Variants in SRPK1 observed in about 807,000 individuals in gnomAD.
The protein encoded by SRPK1 is SFRS protein kinase 1.
SRPK1 carries 52 observed loss-of-function variants against 89.5 expected under a neutral mutation model. That is an observed-to-expected ratio of 0.58 (90% CI 0.46 to 0.73). The LOEUF (loss-of-function observed/expected upper bound fraction) is 0.73. Ranked by LOEUF, SRPK1 falls within the 30% of genes least tolerant of loss-of-function variation. SRPK1 has a pLI of 0.00. For synonymous variants in SRPK1, 255 were observed against 270.2 expected (o/e 0.94, Z 0.55); for missense variants, 603 against 780.6 (o/e 0.77, Z 2.71).
intron 2 of SRPK1, among the ~76,000 whole-genome samples, chr6:35,899,777 G>T (rs1341587646): frequency 6.6e-6 from 1 of 152,060 alleles, no homozygotes; most frequent in Admixed American, 6.5e-5. Flanking sequence ...CGAGGCGGGT[G>T]TATCACTTGA....
intron 13 of SRPK1, chr6:35,856,979 A>G (rs1769678908): frequency 3.1e-6 from 1 of 321,208 alleles, no homozygotes; most frequent in Non-Finnish European, 5.7e-6. Flanking sequence ...AATCAAAACC[A>G]ACAACACCTC....
At chr6:35,839,963 C>G (rs1769270507) in intron 14 of SRPK1, among the ~76,000 whole-genome samples, 2 of 151,922 alleles carry the variant, frequency 1.3e-5, no homozygotes, top group Non-Finnish European at 1.5e-5. Context: ...CAGGTGTGAG[C>G]CACTGTGCCT....
chr6:35,908,284 A>C (rs1344891217), intron 2 of SRPK1, among the ~76,000 whole-genome samples: 3 of 152,212 alleles, frequency 2.0e-5, no homozygotes, highest in Non-Finnish European at 4.4e-5. Flanking sequence ...AAGATGTAGC[A>C]AAGTTTGGAG....
chr6:35,879,063 C>A (rs867314658), intron 6 of SRPK1, among the ~76,000 whole-genome samples: 7 of 151,964 alleles, frequency 4.6e-5, no homozygotes, highest in Middle Eastern at 3.4e-3. Context: ...TGCACTCTAG[C>A]CTGTGTGACA....
In SRPK1 at chr6:35,835,198, A is replaced by G; in HGVS notation, c.*106T>C. 1.9e-6 allele frequency: 2 copies of G among 1,039,050 alleles called. No homozygotes were observed. Among genetic ancestry groups the G allele is most frequent in the Non-Finnish European group, 2.7e-6 (2 of 740,190 alleles). The allele number at this position is 1,039,050 out of a possible 1,614,324, so 64.4% of individuals were successfully genotyped here. A position where few individuals can be genotyped will look rare whatever the true frequency, so the allele number is the denominator to read the frequency against. On this transcript the variant is annotated 3_prime_UTR_variant, in exon 16 of 16. Transcript: ENST00000373825. Reference sequence around the variant, plus strand: ...GGATTAAAAAAAAAACAAGATCTAGAAACTCTTGAAGGAAGAGCTTCACCC... The same window carrying G: ...GGATTAAAAAAAAAACAAGATCTAGGAACTCTTGAAGGAAGAGCTTCACCC...
chr6:35,908,668 G>C (rs1030915401), intron 2 of SRPK1, among the ~76,000 whole-genome samples: 1 of 152,178 alleles, frequency 6.6e-6, no homozygotes, highest in African/African-American at 2.4e-5. Flanking sequence ...CCTGACAATG[G>C]GATAGAAAAG....
At chr6:35,875,056 T>C (rs925773329) in intron 6 of SRPK1, among the ~76,000 whole-genome samples, 1 of 152,124 alleles carries the variant, frequency 6.6e-6, no homozygotes, top group African/African-American at 2.4e-5. Context: ...CATACATATA[T>C]AGTAATGGTC....
chr6:35,881,460 T>C (rs964611896), intron 6 of SRPK1, among the ~76,000 whole-genome samples: 1 of 110,088 alleles, frequency 9.1e-6, no homozygotes, highest in Non-Finnish European at 2.2e-5. Flanking sequence ...GATATAGATA[T>C]AGATATAGAT....
chr6:35,851,314 T>G (rs907599820), intron 13 of SRPK1, among the ~76,000 whole-genome samples: 1 of 151,812 alleles, frequency 6.6e-6, no homozygotes, highest in African/African-American at 2.4e-5. Flanking sequence ...AGCTGGGATT[T>G]CAGTTGCACG....
At chr6:35,879,526 C>T (rs1403046738) in intron 6 of SRPK1, among the ~76,000 whole-genome samples, 5 of 152,010 alleles carry the variant, frequency 3.3e-5, no homozygotes, top group Non-Finnish European at 4.4e-5. Context: ...CCAGCCTTGG[C>T]AAGAGAGTGA....
chr6:35,862,753 A>G (rs1769805284), intron 12 of SRPK1, among the ~76,000 whole-genome samples: 2 of 152,186 alleles, frequency 1.3e-5, no homozygotes, highest in African/African-American at 4.8e-5. Context: ...GAAATCTGAC[A>G]ATCAATACTA....
intron 2 of SRPK1, among the ~76,000 whole-genome samples, chr6:35,913,358 G>T (rs1321114117): frequency 6.6e-6 from 1 of 152,096 alleles, no homozygotes; most frequent in Non-Finnish European, 1.5e-5. Flanking sequence ...TTTTAAAAAA[G>T]ATATAACAGT....
intron 6 of SRPK1, 46 bp downstream of exon 6, chr6:35,886,678 T>G: frequency 8.4e-7 from 1 of 1,186,548 alleles, no homozygotes; most frequent in Non-Finnish European, 1.2e-6. Flanking sequence ...GTTCCTTTCT[T>G]TGGGATTGGG....
chr6:35,900,770 C>T (rs1308124902), intron 2 of SRPK1, among the ~76,000 whole-genome samples: 2 of 152,068 alleles, frequency 1.3e-5, no homozygotes, highest in Admixed American at 6.6e-5. Context: ...TGATTCAAAA[C>T]GGTGGTTTCA....
intron 13 of SRPK1, among the ~76,000 whole-genome samples, chr6:35,844,523 G>C (rs1386471810): frequency 6.6e-6 from 1 of 152,120 alleles, no homozygotes; most frequent in Non-Finnish European, 1.5e-5. Context: ...TGACAGAACA[G>C]CCTTTCTCAA....
At chr6:35,837,559 T>C (rs913452081) in intron 15 of SRPK1, among the ~76,000 whole-genome samples, 9 of 152,136 alleles carry the variant, frequency 5.9e-5, no homozygotes, top group Non-Finnish European at 1.2e-4. Flanking sequence ...CTCCAGTCTC[T>C]GCTCTTTTTT....
chr6:35,874,650 C>T (rs987404048), intron 6 of SRPK1, among the ~76,000 whole-genome samples: 1 of 152,166 alleles, frequency 6.6e-6, no homozygotes, highest in Non-Finnish European at 1.5e-5. Flanking sequence ...AAGCAGTAGG[C>T]TCAAGCCTCA....
intron 13 of SRPK1, 55 bp from the exon 14 acceptor site, chr6:35,842,659 A>T: frequency 3.6e-6 from 5 of 1,395,558 alleles, no homozygotes; most frequent in Non-Finnish European, 4.9e-6. Context: ...AGGCCTTTGG[A>T]AAGCTGATTG....
intron 9 of SRPK1, 41 bp downstream of exon 9, chr6:35,870,893 T>C (rs780089483): frequency 2.7e-5 from 42 of 1,538,044 alleles, no homozygotes; most frequent in Non-Finnish European, 3.7e-5. Flanking sequence ...ATGCCCATAG[T>C]CCATAGATCA....
Sources: allele counts gnomAD v4.1 joint callset (sites outside exome capture counted in the v4.1 genomes callset), GRCh38; gene constraint gnomAD v4.1.1; transcripts MANE v1.5; gene names NCBI Gene and HGNC (gene_info 2026-07-23, HGNC 2026-07-21).